The following SCNN1D variants were observed in gnomAD, a reference collection of about 807,000 sequenced individuals.
SCNN1D encodes sodium channel epithelial 1 subunit delta, also known as epithelial sodium channel subunit delta.
Under a neutral mutation model 87.8 loss-of-function variants are expected in SCNN1D, and 104 were observed. The observed-to-expected ratio is 1.18, with a 90% CI of 1.01 to 1.39. The LOEUF is 1.39. Ranked by LOEUF, SCNN1D falls within the 40% of genes most tolerant of loss-of-function variation. The pLI is 0.00. For synonymous variants in SCNN1D, 628 were observed against 481.2 expected (o/e 1.31, Z -3.99); for missense variants, 1,324 against 1,093.9 (o/e 1.21, Z -2.97).
In SCNN1D at chr1:1,291,526, G is replaced by T; in HGVS notation, c.2325G>T (p.Arg775=). The T allele has an allele frequency of 6.2e-7, 1 of 1,606,380 alleles. No homozygotes were observed. The highest frequency in any genetic ancestry group is 8.5e-7 in the Non-Finnish European group (1 of 1,175,618). The change falls in exon 18 of 18, where the codon CGG becomes CGT. Residue 775 remains arginine, a synonymous_variant. Transcript: ENST00000379116. ...DPEPSGPHLP[R]VMLPGVLAGV... is the part of the protein sequence containing the mutation. The stretch of plus-strand genomic sequence containing the variant: ...AGCCCAGCGGGCCTCATCTCCCACG[G>T]GTGATGCTTCCAGGGGTTCTGGCGG...
Position 1,287,266 on chromosome 1 carries a change from C to A in SCNN1D, c.1277C>A (p.Ser426Tyr), listed in dbSNP as rs764021640. The A allele has an allele frequency of 1.2e-6, 2 of 1,605,914 alleles. No homozygotes were observed. The highest frequency in any genetic ancestry group is 2.2e-5 in the South Asian group (2 of 90,446). The change falls in exon 9 of 18, where the codon TCC becomes TAC. Residue 426 changes from serine to tyrosine, a missense_variant. Coordinates refer to ENST00000379116, the MANE Select transcript of SCNN1D (RefSeq NM_001130413.4). ...HGSQDGHFVL[S>Y]CSYDGLDCQA... The stretch of plus-strand genomic sequence containing the variant: ...AGCCAGGACGGCCACTTCGTCCTCT[C>A]CTGCAGTTACGATGGCCTGGACTGC...
rs2229831 is a variant in SCNN1D at position 1,286,056 on chromosome 1, A to G, written c.689A>G (p.Asn230Ser). The G allele has an allele frequency of 1.4e-4, 225 of 1,590,936 alleles. No homozygotes were observed. The highest frequency in any genetic ancestry group is 1.9e-4 in the Non-Finnish European group (218 of 1,169,272). The change falls in exon 7 of 18, where the codon AAT (asparagine) becomes AGT (serine). Residue 230 changes from asparagine (N) to serine (S), a missense_variant. By Grantham distance (46) the Asn-to-Ser change is conservative. Coordinates refer to ENST00000379116, the MANE Select transcript of SCNN1D (RefSeq NM_001130413.4). ...GAGCTGCTCACCTTCTTCTGCACCAATGCCACCATCCACGGCGCCATCCGC... is the reference window on the plus strand; with the variant it reads ...GAGCTGCTCACCTTCTTCTGCACCAGTGCCACCATCCACGGCGCCATCCGC... ...FRELLTFFCT[N>S]ATIHGAIRLV... is the part of the protein sequence containing the mutation.
In SCNN1D at chr1:1,282,279, G is replaced by A. The variant is rs762035176; in HGVS notation, c.315G>A (p.Thr105=). The A allele has an allele frequency of 3.0e-5, 47 of 1,549,992 alleles. No homozygotes were observed. Among genetic ancestry groups the A allele is most frequent in the Middle Eastern group, 1.7e-4 (1 of 5,988 alleles). The change falls in exon 4 of 18, where the codon ACG becomes ACA. Residue 105 remains threonine (T), a synonymous_variant. Transcript: ENST00000379116. ...GDSSMAFLSR[T]SPVAAASFQS... is the part of the protein sequence containing the mutation. Reference sequence around the variant, plus strand: ...CCAGCATGGCTTTCCTCTCCAGGACGTCACCGGTGGCAGCTGCTTCCTTCC... The same window carrying A: ...CCAGCATGGCTTTCCTCTCCAGGACATCACCGGTGGCAGCTGCTTCCTTCC...
chr1:1,284,557 C>CAGCGTGTGCTGGACCACGGGGGGTGCCG (rs879624742), intron 5 of SCNN1D, among the ~76,000 whole-genome samples: 54 of 138,368 alleles, frequency 3.9e-4, no homozygotes, highest in African/African-American at 1.4e-3. Flanking sequence ...GGGGGGTGCA[C>CAGCGTGTGCTGGACCACGGGGGGTGCCG]AGCGTGTGCT....
chr1:1,290,499 C>T lies in SCNN1D; in HGVS notation c.1803C>T (p.Tyr601=), dbSNP rs772397629. 1 of 1,612,592 alleles carries T rather than the reference C, an allele frequency of 6.2e-7. No individual in the cohort carries two copies. Among genetic ancestry groups the T allele is most frequent in the Non-Finnish European group, 8.5e-7 (1 of 1,179,930 alleles). ...PAWGHCFYRL[Y]QDLETHRLPC... is the part of the protein sequence containing the mutation. The stretch of plus-strand genomic sequence containing the variant: ...AAGGACACTGCTTCTACCGCCTCTA[C>T]CAGGACCTGGAGACCCACCGGCTCC... The change falls in exon 14 of 18, where the codon TAC becomes TAT. Residue 601 remains tyrosine, a synonymous_variant. Transcript: ENST00000379116.
chr1:1,288,301 CTGCTCCGT>C (rs1640670324), intron 12 of SCNN1D, among the ~76,000 whole-genome samples: 1 of 80,168 alleles, frequency 1.2e-5, no homozygotes, highest in Non-Finnish European at 2.0e-5. Flanking sequence ...CGTCCCGTGT[CTGCTCCGT>C]CCCGTGTCCC....
chr1:1,291,672 G>C lies in SCNN1D; in HGVS notation c.*62G>C, dbSNP rs548275157. 3.0e-6 allele frequency: 4 copies of C among 1,327,618 alleles called. No homozygotes were observed. The East Asian group carries it at 9.9e-5, about 33-fold the overall frequency. The allele number at this position is 1,327,618 out of a possible 1,614,324, so 82.2% of individuals were successfully genotyped here. A position where few individuals can be genotyped will look rare whatever the true frequency, so the allele number is the denominator to read the frequency against. On this transcript the variant is annotated 3_prime_UTR_variant, in exon 18 of 18. Transcript: ENST00000379116. Reference sequence around the variant, plus strand: ...GTCCTTGCAGCTGTGGCAGCAGCAGGCTCCCCAGCGGCCCAGGGTGGGCCA... The same window carrying C: ...GTCCTTGCAGCTGTGGCAGCAGCAGCCTCCCCAGCGGCCCAGGGTGGGCCA...
In SCNN1D at chr1:1,281,271, G is replaced by GCC; in HGVS notation, c.53_54dup (p.Gly19ProfsTer118). ...CAACACCGCTCCCTCGTTACCTGTGGCCCGGCCACCTCAGCGGCCCAAGGA... is the reference window on the plus strand; with the variant it reads ...CAACACCGCTCCCTCGTTACCTGTGGCCCCCGGCCACCTCAGCGGCCCAAGGA... On this transcript the variant is annotated frameshift_variant, in exon 2 of 18. Coordinates refer to ENST00000379116, the MANE Select transcript of SCNN1D (RefSeq NM_001130413.4). LOFTEE classifies it high-confidence loss of function. 6.5e-7 allele frequency: 1 copy of GCC among 1,535,804 alleles called. No individual in the cohort carries two copies. The highest frequency in any genetic ancestry group is 8.7e-7 in the Non-Finnish European group (1 of 1,146,820).
In SCNN1D at chr1:1,287,559, T is replaced by A; in HGVS notation, c.1362T>A (p.Asp454Glu). 6.4e-7 allele frequency: 1 copy of A among 1,555,772 alleles called. No individual in the cohort carries two copies. Among genetic ancestry groups the A allele is most frequent in the South Asian group, 1.2e-5 (1 of 83,228 alleles). The change falls in exon 10 of 18, where the codon GAT becomes GAA. Residue 454 changes from aspartate to glutamate, a missense_variant. Coordinates refer to ENST00000379116, the MANE Select transcript of SCNN1D (RefSeq NM_001130413.4). Reference protein sequence around the residue: ...HPTYGSCYTVDGVWTAQRPGI... With the variant: ...HPTYGSCYTVEGVWTAQRPGI... ...CCTACGGCAGCTGCTACACGGTCGATGGCGTCTGGACAGCTCAGCGCCCCG... is the reference window on the plus strand; with the variant it reads ...CCTACGGCAGCTGCTACACGGTCGAAGGCGTCTGGACAGCTCAGCGCCCCG...
At chr1:1,280,880 A>C (rs1570599611) in intron 1 of SCNN1D, 1 of 586,378 alleles carries the variant, frequency 1.7e-6, no homozygotes, top group South Asian at 2.1e-5. Flanking sequence ...CACCCTCAGC[A>C]CCCACCCAGG....
intron 4 of SCNN1D, among the ~76,000 whole-genome samples, chr1:1,282,810 T>A (rs929530705): frequency 6.6e-6 from 1 of 151,666 alleles, no homozygotes; most frequent in Non-Finnish European, 1.5e-5. Flanking sequence ...TGGAGTGCAG[T>A]GGCACGATCT....
rs1388546892 is a variant in SCNN1D at position 1,291,759 on chromosome 1, G to A, written c.*149G>A. On this transcript the variant is annotated 3_prime_UTR_variant, in exon 18 of 18. Transcript: ENST00000379116. Reference sequence around the variant, plus strand: ...GGAGGCAGGCACCGGGCATGTCGGCGCCTCTGGTCAAACCACCTACACTGC... The same window carrying A: ...GGAGGCAGGCACCGGGCATGTCGGCACCTCTGGTCAAACCACCTACACTGC... The A allele has an allele frequency of 1.8e-5, 10 of 569,826 alleles. No homozygotes were observed. The highest frequency in any genetic ancestry group is 9.2e-5 in the East Asian group (3 of 32,448). 35.3% of individuals were successfully genotyped at this position (569,826 alleles called of 1,614,324 possible). A position where few individuals can be genotyped will look rare whatever the true frequency, so the allele number is the denominator to read the frequency against.
At chr1:1,287,424 A>C (rs1317074258) in intron 9 of SCNN1D, 84 bp from the exon 10 acceptor site, 1 of 1,491,442 alleles carries the variant, frequency 6.7e-7, no homozygotes, top group Non-Finnish European at 9.0e-7. Flanking sequence ...TTCCGCAGAC[A>C]CAGGGCAGGC....
chr1:1,291,448 G>A lies in SCNN1D; in HGVS notation c.2247G>A (p.Lys749=). 1.2e-6 allele frequency: 2 copies of A among 1,608,084 alleles called. No individual in the cohort carries two copies. The part of the protein sequence containing the change: ...ASPASGASSI[K]PEASQMPPPA... ...CTGCCTCAGGGGCGTCCAGCATCAA[G>A]CCAGAGGCCAGTCAGATGCCCCCGC... Residue 749 remains lysine (K), a synonymous_variant, in exon 18 of 18, where the codon AAG becomes AAA. Transcript: ENST00000379116.
intron 1 of SCNN1D, 117 bp downstream of exon 1, chr1:1,280,783 G>C (rs1640453890): frequency 1.4e-5 from 9 of 650,120 alleles, no homozygotes; most frequent in Non-Finnish European, 2.3e-5. Context: ...TTTTATTTTT[G>C]GTTTATGAGG....
In SCNN1D at chr1:1,283,969, T is replaced by C. The variant is rs1640519582; in HGVS notation, c.352-9T>C. On this transcript the variant is annotated splice_polypyrimidine_tract_variant and intron_variant, in intron 4 of 17. Transcript: ENST00000379116. ...ACAGTCCCACGCCCAGCCAGCCTGT[T>C]TTAAATAGGAGGCCAGAGGCTCCAT... 6.9e-7 allele frequency: 1 copy of C among 1,453,516 alleles called. No individual in the cohort carries two copies. 90.0% of individuals were successfully genotyped at this position (1,453,516 alleles called of 1,614,324 possible).
At chr1:1,286,423 C>T in intron 7 of SCNN1D, 145 bp downstream of exon 7, 2 of 727,452 alleles carry the variant, frequency 2.7e-6, no homozygotes, top group South Asian at 3.8e-5. Context: ...CTGTGACCTC[C>T]CAAACCTCGG....
intron 4 of SCNN1D, 73 bp downstream of exon 4, chr1:1,282,388 G>T: frequency 6.6e-7 from 1 of 1,507,134 alleles, no homozygotes. Flanking sequence ...CCCCAGCCAA[G>T]CCCAGGGACC....
At chr1:1,281,353 G>A in intron 2 of SCNN1D, 56 bp downstream of exon 2, 1 of 1,534,146 alleles carries the variant, frequency 6.5e-7, no homozygotes, top group East Asian at 2.4e-5. Flanking sequence ...CTGGGAGAGA[G>A]CAGAGGCATG....
Sources: gnomAD v4.1 joint callset for allele counts (sites outside exome capture counted in the v4.1 genomes callset) on GRCh38, gnomAD v4.1.1 for gene constraint, MANE v1.5 for transcripts, NCBI Gene and HGNC (gene_info 2026-07-23, HGNC 2026-07-21) for gene names.